Variants in SEPTIN7 observed in about 807,000 individuals in gnomAD.
SEPTIN7 encodes septin-7.
A neutral mutation model predicts 63.3 loss-of-function variants in SEPTIN7; 10 were observed. That is an observed-to-expected ratio of 0.16 (90% CI 0.10 to 0.27). SEPTIN7 has a LOEUF of 0.27. SEPTIN7 is among the 10% of genes least tolerant of loss of function. The pLI is 1.00. For synonymous variants in SEPTIN7, 131 were observed against 165.3 expected, an observed-to-expected ratio of 0.79 and a Z score of 1.59; for missense variants, 310 against 521.0, an observed-to-expected ratio of 0.59 and a Z score of 3.94.
At chr7:35,816,247 C>T (rs1789053860) in intron 1 of SEPTIN7, among the ~76,000 whole-genome samples, 1 of 152,144 alleles carries the variant, frequency 6.6e-6, no homozygotes, top group Non-Finnish European at 1.5e-5. Flanking sequence ...CCCTTCTCTT[C>T]CCTTGTCCTG....
intron 3 of SEPTIN7, among the ~76,000 whole-genome samples, chr7:35,850,025 A>G (rs1784885437): frequency 6.6e-6 from 1 of 152,248 alleles, no homozygotes; most frequent in South Asian, 2.1e-4. Flanking sequence ...GGGACAGGAC[A>G]ACATGAACAT....
intron 10 of SEPTIN7, chr7:35,888,684 G>T (rs1235664958): frequency 1.1e-5 from 2 of 178,668 alleles, no homozygotes; most frequent in Non-Finnish European, 2.4e-5. Flanking sequence ...GTCGGGCGTG[G>T]TGGTGCATGC....
chr7:35,848,352 C>T (rs529085900), intron 3 of SEPTIN7, among the ~76,000 whole-genome samples: 1 of 151,902 alleles, frequency 6.6e-6, no homozygotes, highest in Admixed American at 6.5e-5. Context: ...ACTGCAAGCT[C>T]CGCCTCCCGG....
At chr7:35,863,997 C>T (rs1785662072) in intron 4 of SEPTIN7, among the ~76,000 whole-genome samples, 1 of 150,712 alleles carries the variant, frequency 6.6e-6, no homozygotes, top group African/African-American at 2.4e-5. Context: ...TGCAATTTCT[C>T]ATTTGCTCCA....
rs556422240 is a variant in SEPTIN7, at chr7:35,840,540, A to G, written c.169+7640A>G. The stretch of plus-strand genomic sequence containing the variant: ...CAGTCCTCTCTCCTTGGCTTCCTAG[A>G]GTGCTGGGATTACAGGTGTGAGTCA... On this transcript the variant is annotated intron_variant, in intron 3 of 13. Transcript: ENST00000350320. 4.0e-4 allele frequency among the ~76,000 whole-genome samples: 61 copies of G among 152,092 alleles called. No individual in the cohort carries two copies. The South Asian group carries it at 0.013, about 32-fold the overall frequency.
chr7:35,828,959 G>T (rs1282842607), intron 1 of SEPTIN7, among the ~76,000 whole-genome samples: 3 of 151,960 alleles, frequency 2.0e-5, no homozygotes, highest in Non-Finnish European at 4.4e-5. Context: ...CAGGTCACTT[G>T]CCTATGAAAA....
At position 35,801,120 on chromosome 7, in the gene SEPTIN7, C is replaced by A; in HGVS notation, c.-90C>A. ...GCGTGCGTAAGCAAGGCAGCTACGC[C>A]GGGCGGCTACGCTGCGGAATCGGCG... On this transcript the variant is annotated 5_prime_UTR_variant, in exon 1 of 14. Coordinates refer to ENST00000350320, the MANE Select transcript of SEPTIN7 (RefSeq NM_001788.6). 9.1e-7 allele frequency: 1 copy of A among 1,097,378 alleles called. No individual in the cohort carries two copies. Among genetic ancestry groups the A allele is most frequent in the Non-Finnish European group, 1.3e-6 (1 of 799,484 alleles). 68.0% of individuals were successfully genotyped at this position (1,097,378 alleles called of 1,614,324 possible). A position where few individuals can be genotyped will look rare whatever the true frequency, so the allele number is the denominator to read the frequency against.
At chr7:35,873,053 GA>G (rs979291842) in intron 5 of SEPTIN7, among the ~76,000 whole-genome samples, 30 of 152,122 alleles carry the variant, frequency 2.0e-4, no homozygotes, top group African/African-American at 7.0e-4. Flanking sequence ...ATTATTGTAA[GA>G]AATTTAAAAC....
At chr7:35,832,724 TGAAGG>T (rs770582461) in intron 2 of SEPTIN7, 69 bp from the exon 3 acceptor site, 2 of 834,970 alleles carry the variant, frequency 2.4e-6, no homozygotes, top group African/African-American at 3.3e-5. Context: ...AATAGGTTAA[TGAAGG>T]GAATTTGAAA....
chr7:35,893,286 G>T (rs1386928142), intron 11 of SEPTIN7, among the ~76,000 whole-genome samples: 1 of 152,062 alleles, frequency 6.6e-6, no homozygotes, highest in African/African-American at 2.4e-5. Flanking sequence ...AGAGTTGCAA[G>T]AATTTTGGAA....
chr7:35,911,876 C>T (rs979112984), downstream of SEPTIN7, among the ~76,000 whole-genome samples: 5 of 152,160 alleles, frequency 3.3e-5, no homozygotes, highest in African/African-American at 9.7e-5. Flanking sequence ...CAGACACACC[C>T]GACCTTAATG....
intron 4 of SEPTIN7, among the ~76,000 whole-genome samples, chr7:35,864,052 A>G (rs1288815100): frequency 6.6e-6 from 1 of 151,644 alleles, no homozygotes; most frequent in Non-Finnish European, 1.5e-5. Flanking sequence ...AGTGGCTGCC[A>G]TTTTTTGCAG....
chr7:35,838,094 A>G (rs887596981), intron 3 of SEPTIN7, among the ~76,000 whole-genome samples: 16 of 152,082 alleles, frequency 1.1e-4, no homozygotes. Flanking sequence ...GTTTATTTTT[A>G]AAAACTTTTT....
chr7:35,832,718 G>A (rs774842801), intron 2 of SEPTIN7, 80 bp from the exon 3 acceptor site: 4 of 811,834 alleles, frequency 4.9e-6, no homozygotes, highest in South Asian at 4.1e-5. Context: ...TTCTAAAATA[G>A]GTTAATGAAG....
At position 35,830,131 on chromosome 7, in the gene SEPTIN7, C is replaced by G. The variant is rs556594243; in HGVS notation, c.62-1361C>G. On this transcript the variant is annotated intron_variant, in intron 1 of 13. Transcript: ENST00000350320. Reference sequence around the variant, plus strand: ...ACCTCGGAAAGAGGTTGCAGTGAGCCGAGATCGCGCCACTGCCCCCCAGCC... The same window carrying G: ...ACCTCGGAAAGAGGTTGCAGTGAGCGGAGATCGCGCCACTGCCCCCCAGCC... Among the ~76,000 whole-genome samples the G allele has an allele frequency of 2.0e-5, 3 of 151,010 alleles. No individual in the cohort carries two copies. The East Asian group carries it at 5.8e-4, about 29-fold the overall frequency.
At chr7:35,864,211 A>AT (rs1785671901) in intron 4 of SEPTIN7, among the ~76,000 whole-genome samples, 1 of 152,102 alleles carries the variant, frequency 6.6e-6, no homozygotes, top group Admixed American at 6.6e-5. Flanking sequence ...GGCAATAGCG[A>AT]TTCTGTAAGA....
intron 9 of SEPTIN7, among the ~76,000 whole-genome samples, chr7:35,885,567 T>A (rs940586615): frequency 3.3e-5 from 5 of 152,176 alleles, no homozygotes; most frequent in Non-Finnish European, 5.9e-5. Context: ...CTTTCAGAAT[T>A]TCAAAGTTGT....
At chr7:35,824,594 A>G (rs905460388) in intron 1 of SEPTIN7, among the ~76,000 whole-genome samples, 20 of 152,196 alleles carry the variant, frequency 1.3e-4, no homozygotes, top group African/African-American at 4.8e-4. Context: ...TCTACTTTTA[A>G]CAGTTGGTAC....
chr7:35,810,786 A>G (rs1288036321), intron 1 of SEPTIN7, among the ~76,000 whole-genome samples: 1 of 147,768 alleles, frequency 6.8e-6, no homozygotes, highest in African/African-American at 2.5e-5. Flanking sequence ...TTTTTTTTTG[A>G]GACAGAGGCT....
Sources: gnomAD v4.1 joint callset for allele counts (sites outside exome capture counted in the v4.1 genomes callset) on GRCh38, gnomAD v4.1.1 for gene constraint, MANE v1.5 for transcripts, NCBI Gene and HGNC (gene_info 2026-07-23, HGNC 2026-07-21) for gene names.